Variants in EWSR1 observed in about 807,000 individuals in gnomAD.
The protein encoded by EWSR1 is EWS RNA binding protein 1.
A neutral mutation model predicts 92.1 loss-of-function variants in EWSR1; 14 were observed. The ratio of observed to expected loss-of-function variants is 0.15; its 90% confidence interval spans 0.10 to 0.24. The LOEUF is 0.24. Among genes scored for constraint, EWSR1 ranks in the 10% least tolerant of loss-of-function variants. The probability of loss-of-function intolerance (pLI) is 1.00; values close to 1 mark genes in which losing one functional copy is unlikely to be tolerated. For synonymous variants in EWSR1, 303 were observed against 292.9 expected (o/e 1.03, Z -0.35); for missense variants, 637 against 870.9 (o/e 0.73, Z 3.38).
intron 11 of EWSR1, among the ~76,000 whole-genome samples, chr22:29,294,841 A>C (rs758023236): frequency 3.2e-4 from 49 of 151,074 alleles, no homozygotes; most frequent in Non-Finnish European, 6.2e-4. Context: ...TGATCCCAGG[A>C]TGCAGAGGTT....
chr22:29,295,743 A>G (rs565313105), intron 11 of EWSR1: 1 of 226,222 alleles, frequency 4.4e-6, no homozygotes, highest in South Asian at 1.8e-4. Flanking sequence ...ACCACATCTG[A>G]TATTCAGCTG....
At chr22:29,279,741 C>T (rs142070468) in intron 5 of EWSR1, among the ~76,000 whole-genome samples, 2 of 152,176 alleles carry the variant, frequency 1.3e-5, no homozygotes, top group African/African-American at 2.4e-5. Context: ...TAATCGGAGC[C>T]GCTTGGCAAT....
chr22:29,298,054 G>GTCA, intron 13 of EWSR1, 105 bp downstream of exon 13: 1 of 1,240,038 alleles, frequency 8.1e-7, no homozygotes, highest in African/African-American at 1.5e-5. Context: ...TGTGTGTAGA[G>GTCA]TCAATACTAG....
chr22:29,279,825 AG>A (rs1164585206), intron 5 of EWSR1, among the ~76,000 whole-genome samples: 4 of 152,208 alleles, frequency 2.6e-5, no homozygotes, highest in Non-Finnish European at 5.9e-5. Context: ...CTCATTTCCG[AG>A]TGTCATCAGA....
At chr22:29,290,635 A>G in intron 8 of EWSR1, 1 of 1,448,966 alleles carries the variant, frequency 6.9e-7, no homozygotes, top group Non-Finnish European at 9.1e-7. Context: ...CAGAGGAGGT[A>G]TAATACTCTA....
In EWSR1 at chr22:29,299,651, C is replaced by T. The variant is rs1183296447; in HGVS notation, c.1731C>T (p.Gly577=). Residue 577 remains glycine (G), a synonymous_variant, in exon 16 of 17, where the codon GGC becomes GGT. Transcript: ENST00000397938. ...GPGGMRGGRG[G]LMDRGGPGGM... is the part of the protein sequence containing the mutation. ...GTGGCATGCGGGGAGGAAGAGGTGG[C>T]CTCATGGATCGTGGTGGTCCCGGTG... 3 of 1,609,734 alleles carry T rather than the reference C, an allele frequency of 1.9e-6. No homozygotes were observed. In the African/African-American group the frequency reaches 4.0e-5, roughly 22 times the overall value.
At chr22:29,299,089 G>A in intron 14 of EWSR1, 145 bp from the exon 15 acceptor site, 2 of 1,495,684 alleles carry the variant, frequency 1.3e-6, no homozygotes, top group Non-Finnish European at 9.1e-7. Flanking sequence ...TCCTGTGGGT[G>A]CAATGCTGCC....
In EWSR1 at chr22:29,268,274, C is replaced by A. The variant is rs2058281216; in HGVS notation, c.-63C>A. The stretch of plus-strand genomic sequence containing the variant: ...TTGCGAGATTTGCGCCTGCGCAGTG[C>A]GGCGCCTAGAGGGAAAGCGAGAGGG... On this transcript the variant is annotated 5_prime_UTR_variant, in exon 1 of 17. Coordinates refer to ENST00000397938, the MANE Select transcript of EWSR1 (RefSeq NM_005243.4). The A allele has an allele frequency of 1.3e-6, 2 of 1,592,716 alleles. No homozygotes were observed. Among genetic ancestry groups the A allele is most frequent in the Non-Finnish European group, 1.7e-6 (2 of 1,160,744 alleles).
chr22:29,278,227 G>C lies in EWSR1; in HGVS notation c.413+11G>C, dbSNP rs779434430. On this transcript the variant is annotated intron_variant, in intron 5 of 16. Coordinates refer to ENST00000397938, the MANE Select transcript of EWSR1 (RefSeq NM_005243.4). ...CACTGCACCTACAAGGTAAGGCCAT[G>C]GTGTCCTTAATGCGTCAGTCTTATG... 3 of 1,612,158 alleles carry C rather than the reference G, an allele frequency of 1.9e-6. No homozygotes were observed. Among genetic ancestry groups the C allele is most frequent in the Non-Finnish European group, 2.5e-6 (3 of 1,178,838 alleles).
chr22:29,288,564 T>C, intron 7 of EWSR1, 42 bp from the exon 8 acceptor site: 1 of 1,556,850 alleles, frequency 6.4e-7, no homozygotes, highest in Non-Finnish European at 8.7e-7. Context: ...GGCAGTGGTG[T>C]AAATGCTGGT....
chr22:29,292,827 CA>C (rs1325395584), intron 11 of EWSR1, among the ~76,000 whole-genome samples: 1 of 145,278 alleles, frequency 6.9e-6, no homozygotes, highest in Non-Finnish European at 1.5e-5. Context: ...TGCAATGGCG[CA>C]AGTCTTGGCT....
At chr22:29,288,195 CAAAG>C (rs2060193753) in intron 7 of EWSR1, among the ~76,000 whole-genome samples, 1 of 152,272 alleles carries the variant, frequency 6.6e-6, no homozygotes. Context: ...CTCAACAACT[CAAAG>C]GAGTAGTGTT....
intron 4 of EWSR1, chr22:29,275,629 C>G (rs1224873096): frequency 4.3e-6 from 1 of 229,890 alleles, no homozygotes; most frequent in East Asian, 6.2e-5. Flanking sequence ...TGCGTGGGTT[C>G]AAGCACACAT....
At chr22:29,278,000 G>A (rs751773598) in intron 4 of EWSR1, 30 bp from the exon 5 acceptor site, 1 of 1,602,010 alleles carries the variant, frequency 6.2e-7, no homozygotes, top group South Asian at 1.1e-5. Flanking sequence ...GAGGGGACCT[G>A]AAATCTGATG....
Position 29,297,769 on chromosome 22 carries a change from T to C in EWSR1, c.1295-58T>C, listed in dbSNP as rs2060980857. ...TGGGAGTGGTCATTTGATGATGATG[T>C]GGAGTTGGTGAACAGGGAGTACAGG... On this transcript the variant is annotated intron_variant, in intron 12 of 16. Transcript: ENST00000397938. The C allele has an allele frequency of 9.4e-6, 15 of 1,600,118 alleles. No individual in the cohort carries two copies. In the South Asian group the frequency reaches 1.3e-4, roughly 14 times the overall value.
At chr22:29,289,975 T>C (rs904579605) in intron 8 of EWSR1, 8 of 232,172 alleles carry the variant, frequency 3.4e-5, no homozygotes, top group African/African-American at 1.8e-4. Flanking sequence ...AAAATAGACA[T>C]AGACACTTGA....
intron 11 of EWSR1, among the ~76,000 whole-genome samples, chr22:29,294,474 C>T (rs1031806490): frequency 6.6e-6 from 1 of 150,742 alleles, no homozygotes; most frequent in Admixed American, 6.6e-5. Flanking sequence ...GGCTTGGTGG[C>T]GGGCACCTGT....
At chr22:29,281,757 T>C (rs131182) in intron 5 of EWSR1, among the ~76,000 whole-genome samples, 50,557 of 151,786 alleles carry the variant, frequency 0.33, 9,846 homozygotes, top group Admixed American at 0.48. Context: ...ATTTTTTTTT[T>C]TGTATTTTTA....
chr22:29,295,589 C>CT lies in EWSR1; in HGVS notation c.1165-644dup, dbSNP rs1365231744. 3.6e-5 allele frequency: 8 copies of CT among 224,430 alleles called. No individual in the cohort carries two copies. The Admixed American group carries it at 4.0e-4, about 11-fold the overall frequency. 13.9% of individuals were successfully genotyped at this position (224,430 alleles called of 1,614,324 possible). A position where few individuals can be genotyped will look rare whatever the true frequency, so the allele number is the denominator to read the frequency against. On this transcript the variant is annotated intron_variant, in intron 11 of 16. Coordinates refer to ENST00000397938, the MANE Select transcript of EWSR1 (RefSeq NM_005243.4). ...ATCAATATATATATCCTGTTGTAAT[C>CT]TTTTTTAAGTCCTATAAATAGATTG... is the stretch of plus-strand genomic sequence containing the variant.
Sources: gnomAD v4.1 joint callset for allele counts (sites outside exome capture counted in the v4.1 genomes callset) on GRCh38, gnomAD v4.1.1 for gene constraint, MANE v1.5 for transcripts, NCBI Gene and HGNC (gene_info 2026-07-23, HGNC 2026-07-21) for gene names.